SNX29: variants seen among roughly 807,000 people sequenced by gnomAD.
The protein encoded by SNX29 is sorting nexin 29.
SNX29 carries 78 observed loss-of-function variants against 102.1 expected under a neutral mutation model. The ratio of observed to expected loss-of-function variants is 0.76; its 90% CI spans 0.64 to 0.92. SNX29 has a LOEUF of 0.92. Among genes scored for constraint, SNX29 ranks in the 40% least tolerant of loss-of-function variants. The probability of loss-of-function intolerance (pLI) is 0.00; values close to 1 mark genes in which losing one functional copy is unlikely to be tolerated. For missense variants in SNX29, 1,280 were observed against 1,061.7 expected (o/e 1.21, Z -2.86); for synonymous variants, 580 against 414.5 (o/e 1.40, Z -4.85).
intron 15 of SNX29, among the ~76,000 whole-genome samples, chr16:12,337,967 G>T (rs1391804449): frequency 1.3e-5 from 2 of 152,206 alleles, no homozygotes; most frequent in African/African-American, 4.8e-5. Flanking sequence ...CACCTTGAAA[G>T]TGCTGCGGTC....
chr16:12,030,108 G>A (rs1250347480), intron 4 of SNX29, among the ~76,000 whole-genome samples: 2 of 152,122 alleles, frequency 1.3e-5, no homozygotes, highest in African/African-American at 4.8e-5. Context: ...TTTCTGCGAT[G>A]CCATAGCCTC....
rs9806892 is a variant in SNX29, at chr16:12,496,405, C to T, written c.2178+18546C>T. Among the ~76,000 whole-genome samples the T allele has an allele frequency of 5.1e-3, 772 of 152,044 alleles. 8 individuals are homozygous for T. The highest frequency in any genetic ancestry group is 0.017 in the African/African-American group (720 of 41,482). On this transcript the variant is annotated intron_variant, in intron 19 of 20. Coordinates refer to ENST00000566228, the MANE Select transcript of SNX29 (RefSeq NM_032167.5). ...CTCTTTATCTCACGCTTCCTCGTTG[C>T]AACCATTGTGAGGCACTCAATGGAG...
At chr16:12,111,572 A>G (rs1596927327) in intron 11 of SNX29, among the ~76,000 whole-genome samples, 1 of 152,164 alleles carries the variant, frequency 6.6e-6, no homozygotes. Context: ...ACTGCAAGGA[A>G]AGCAAGTGCC....
In SNX29 at chr16:12,572,009, AGCT is replaced by A. The variant is rs1238706994; in HGVS notation, c.*3385_*3387del. 9.4e-7 allele frequency: 1 copy of A among 1,062,498 alleles called. No homozygotes were observed. Among genetic ancestry groups the A allele is most frequent in the Non-Finnish European group, 1.1e-6 (1 of 877,616 alleles). The allele number at this position is 1,062,498 out of a possible 1,614,324, so 65.8% of individuals were successfully genotyped here. On this transcript the variant is annotated 3_prime_UTR_variant, in exon 21 of 21. Coordinates refer to ENST00000566228, the MANE Select transcript of SNX29 (RefSeq NM_032167.5). Reference sequence around the variant, plus strand: ...ATCCAGTCACCAGTTGCATCTAGGGAGCTGCTGGCTATAAAAGGGATCATCCAG... The same window carrying A: ...ATCCAGTCACCAGTTGCATCTAGGGAGCTGGCTATAAAAGGGATCATCCAG...
chr16:12,421,927 T>C (rs368610744), intron 18 of SNX29, among the ~76,000 whole-genome samples: 825 of 63,080 alleles, frequency 0.013, 10 homozygotes, highest in African/African-American at 0.029. Context: ...ATCACCATCA[T>C]CATCCGTCCA....
intron 14 of SNX29, among the ~76,000 whole-genome samples, chr16:12,265,597 A>G (rs1473657095): frequency 6.8e-6 from 1 of 148,026 alleles, no homozygotes; most frequent in Non-Finnish European, 1.5e-5. Context: ...ACAGTGGCTC[A>G]TGCCTATAAT....
At chr16:12,067,919 C>T (rs1047204521) in intron 9 of SNX29, among the ~76,000 whole-genome samples, 6 of 152,216 alleles carry the variant, frequency 3.9e-5, no homozygotes, top group Non-Finnish European at 8.8e-5. Flanking sequence ...TTGTTCAGGT[C>T]CCTAGCCCGT....
At chr16:12,145,514 A>G (rs924852735) in intron 13 of SNX29, among the ~76,000 whole-genome samples, 2 of 152,232 alleles carry the variant, frequency 1.3e-5, no homozygotes, top group Admixed American at 1.3e-4. Context: ...CCCCCTGCAT[A>G]TGAAAGTAAT....
In SNX29 at chr16:12,314,346, A is replaced by G. The variant is rs752493801; in HGVS notation, c.1782+36310A>G. Among the ~76,000 whole-genome samples, 53 of 152,256 alleles carry G rather than the reference A, an allele frequency of 3.5e-4. 1 individual carries two copies. The highest frequency in any genetic ancestry group is 8.8e-5 in the Non-Finnish European group (6 of 68,048). On this transcript the variant is annotated intron_variant, in intron 15 of 20. Coordinates refer to ENST00000566228, the MANE Select transcript of SNX29 (RefSeq NM_032167.5). ...TGGATGAATGGTCTGCAGATGTAACATATGCACATAGTTTATACCTGAAAG... is the reference window on the plus strand; with the variant it reads ...TGGATGAATGGTCTGCAGATGTAACGTATGCACATAGTTTATACCTGAAAG...
At chr16:12,359,330 T>C (rs2151322125) in intron 16 of SNX29, among the ~76,000 whole-genome samples, 1 of 151,452 alleles carries the variant, frequency 6.6e-6, no homozygotes, top group South Asian at 2.1e-4. Flanking sequence ...TTTTCCCACT[T>C]GTACCTACCA....
At chr16:12,067,890 ACTTG>A (rs2051108152) in intron 9 of SNX29, among the ~76,000 whole-genome samples, 3 of 152,176 alleles carry the variant, frequency 2.0e-5, no homozygotes, top group Admixed American at 2.0e-4. Flanking sequence ...CTGGAAGGAG[ACTTG>A]AGCATTTATG....
intron 18 of SNX29, among the ~76,000 whole-genome samples, chr16:12,455,101 A>G (rs971203194): frequency 1.3e-5 from 2 of 152,152 alleles, no homozygotes; most frequent in African/African-American, 4.8e-5. Context: ...TGTGGTGTGG[A>G]AAAGGAGTAG....
intron 13 of SNX29, among the ~76,000 whole-genome samples, chr16:12,176,908 T>G (rs962969867): frequency 6.6e-6 from 1 of 152,114 alleles, no homozygotes; most frequent in Non-Finnish European, 1.5e-5. Flanking sequence ...GGGGAAAATT[T>G]GCAGGTCCTG....
chr16:12,508,810 G>C (rs1364100850), intron 19 of SNX29, among the ~76,000 whole-genome samples: 1 of 152,140 alleles, frequency 6.6e-6, no homozygotes, highest in African/African-American at 2.4e-5. Context: ...AAGGGTACCT[G>C]TTCCTCCCCA....
chr16:12,512,908 G>A (rs780658167), intron 19 of SNX29, among the ~76,000 whole-genome samples: 3 of 152,056 alleles, frequency 2.0e-5, no homozygotes, highest in South Asian at 2.1e-4. Context: ...TTCCCAGTCC[G>A]TCACCAAAGC....
intron 18 of SNX29, among the ~76,000 whole-genome samples, chr16:12,408,209 AC>A (rs2084254455): frequency 6.6e-6 from 1 of 151,658 alleles, no homozygotes; most frequent in Admixed American, 6.6e-5. Context: ...TGGGACAGTC[AC>A]CCTCATTCCA....
At chr16:12,567,918 A>G (rs567223941) in intron 20 of SNX29, among the ~76,000 whole-genome samples, 2 of 152,228 alleles carry the variant, frequency 1.3e-5, no homozygotes, top group East Asian at 3.9e-4. Flanking sequence ...GGACCCACAC[A>G]CGCTGTGTGT....
chr16:12,111,818 G>T (rs12596081), intron 11 of SNX29, among the ~76,000 whole-genome samples: 29,472 of 152,094 alleles, frequency 0.19, 3,290 homozygotes, highest in Middle Eastern at 0.27. Context: ...ATGGGAGTAC[G>T]GAGAGGTGAG....
At chr16:12,260,110 T>G (rs1301938190) in intron 14 of SNX29, among the ~76,000 whole-genome samples, 1 of 152,222 alleles carries the variant, frequency 6.6e-6, no homozygotes, top group Non-Finnish European at 1.5e-5. Flanking sequence ...CCCTATGGCA[T>G]TCTTCAGAAT....
Sources: allele counts gnomAD v4.1 joint callset (sites outside exome capture counted in the v4.1 genomes callset), GRCh38; gene constraint gnomAD v4.1.1; transcripts MANE v1.5; gene names NCBI Gene and HGNC (gene_info 2026-07-23, HGNC 2026-07-21).